CLHC1: variants seen among roughly 807,000 people sequenced by gnomAD.
CLHC1 encodes the protein clathrin heavy chain linker domain-containing protein 1.
A neutral mutation model predicts 69.5 loss-of-function variants in CLHC1; 72 were observed. The ratio of observed to expected loss-of-function variants is 1.04; its 90% CI spans 0.86 to 1.26. CLHC1 has a LOEUF of 1.26. Among genes scored for constraint, CLHC1 ranks in the 50% most tolerant of loss-of-function variants. CLHC1 has a pLI of 0.00. For synonymous variants in CLHC1, 223 were observed against 224.3 expected (o/e 0.99, Z 0.05); for missense variants, 790 against 679.3 (o/e 1.16, Z -1.81).
At position 55,172,563 on chromosome 2, in the gene CLHC1, T is replaced by C. The variant is rs1669043683; in HGVS notation, c.*3227A>G. On this transcript the variant is annotated 3_prime_UTR_variant, in exon 13 of 13. Coordinates refer to ENST00000401408, the MANE Select transcript of CLHC1 (RefSeq NM_152385.4). Reference sequence around the variant, plus strand: ...AATAGTGTCTTTTTTATGTACCCAATATATTTTTATTCAAGAACACAACAA... The same window carrying C: ...AATAGTGTCTTTTTTATGTACCCAACATATTTTTATTCAAGAACACAACAA... 6.6e-6 allele frequency among the ~76,000 whole-genome samples: 1 copy of C among 151,532 alleles called. No homozygotes were observed. Among genetic ancestry groups the C allele is most frequent in the Non-Finnish European group, 1.5e-5 (1 of 67,928 alleles).
chr2:55,230,095 G>A (rs1232397699), intron 1 of CLHC1, among the ~76,000 whole-genome samples: 1 of 152,148 alleles, frequency 6.6e-6, no homozygotes, highest in African/African-American at 2.4e-5. Flanking sequence ...AAAAAGAATT[G>A]TTCTTGTTGC....
intron 9 of CLHC1, among the ~76,000 whole-genome samples, chr2:55,190,222 T>TA (rs57134872): frequency 2.2e-4 from 16 of 72,118 alleles, no homozygotes; most frequent in African/African-American, 9.3e-4. Flanking sequence ...TTTTTTTGTA[T>TA]TTTTTTAGTA....
At chr2:55,193,422 A>G (rs1007914351) in intron 9 of CLHC1, among the ~76,000 whole-genome samples, 3 of 152,164 alleles carry the variant, frequency 2.0e-5, no homozygotes, top group Admixed American at 2.0e-4. Context: ...TTCAGACTAT[A>G]TAAGGAACTC....
At chr2:55,226,171 A>G (rs995424232) in intron 2 of CLHC1, among the ~76,000 whole-genome samples, 6 of 149,150 alleles carry the variant, frequency 4.0e-5, no homozygotes, top group Non-Finnish European at 8.9e-5. Flanking sequence ...CAGCCTGGGC[A>G]ACTGAGCGAG....
Position 55,222,272 on chromosome 2 carries a change from T to C in CLHC1, c.140A>G (p.Asp47Gly). 1 of 1,613,640 alleles carries C rather than the reference T, an allele frequency of 6.2e-7. No individual in the cohort carries two copies. Among genetic ancestry groups the C allele is most frequent in the Non-Finnish European group, 8.5e-7 (1 of 1,179,696 alleles). The part of the protein sequence containing the change: ...RLGCSEEGPA[D>G]EYYIIYRNVF... Reference sequence around the variant, plus strand: ...ATTTCGGTATATGATGTAATATTCATCAGCAGGTCCTTCCTCACTACAGCC... The same window carrying C: ...ATTTCGGTATATGATGTAATATTCACCAGCAGGTCCTTCCTCACTACAGCC... The change falls in exon 3 of 13, where the codon GAT (aspartate) becomes GGT (glycine). Residue 47 changes from aspartate to glycine, a missense_variant. Transcript: ENST00000401408.
At chr2:55,229,400 CAA>C (rs1332443025) in intron 1 of CLHC1, among the ~76,000 whole-genome samples, 1 of 151,766 alleles carries the variant, frequency 6.6e-6, no homozygotes, top group African/African-American at 2.4e-5. Flanking sequence ...GTGGTTGAGG[CAA>C]AGAGAGTAGC....
chr2:55,217,572 T>C (rs1281833721), intron 4 of CLHC1, among the ~76,000 whole-genome samples: 1 of 114,622 alleles, frequency 8.7e-6, no homozygotes, highest in Admixed American at 1.0e-4. Context: ...TATATATATA[T>C]ATATATATAT....
At chr2:55,210,644 G>C (rs1322677517) in intron 5 of CLHC1, among the ~76,000 whole-genome samples, 1 of 152,186 alleles carries the variant, frequency 6.6e-6, no homozygotes, top group Non-Finnish European at 1.5e-5. Context: ...AACGCCACGA[G>C]CTTCTGCCTA....
intron 9 of CLHC1, among the ~76,000 whole-genome samples, chr2:55,190,807 T>C (rs1670854753): frequency 6.6e-6 from 1 of 152,080 alleles, no homozygotes. Context: ...GGCAGAAACA[T>C]ATTTGAAAAA....
At chr2:55,194,368 G>A (rs1671201892) in intron 9 of CLHC1, among the ~76,000 whole-genome samples, 1 of 151,966 alleles carries the variant, frequency 6.6e-6, no homozygotes, top group South Asian at 2.1e-4. Flanking sequence ...TCTGATCAAA[G>A]TTCTCAGCAA....
chr2:55,188,501 G>A (rs970745978), intron 9 of CLHC1, among the ~76,000 whole-genome samples: 2 of 151,990 alleles, frequency 1.3e-5, no homozygotes, highest in Admixed American at 6.6e-5. Flanking sequence ...TTACCATTGG[G>A]AATATAAATT....
chr2:55,223,840 G>A (rs1385176293), intron 2 of CLHC1, among the ~76,000 whole-genome samples: 1 of 151,824 alleles, frequency 6.6e-6, no homozygotes, highest in African/African-American at 2.4e-5. Flanking sequence ...CTGCCGCCCA[G>A]GCTGGAGTGC....
chr2:55,222,510 G>C lies in CLHC1; in HGVS notation c.-82-17C>G, dbSNP rs1197980527. On this transcript the variant is annotated splice_polypyrimidine_tract_variant and intron_variant, in intron 2 of 12. Transcript: ENST00000401408. ...TTGATAAGCCTGAAAGAAAAAAAGA[G>C]CATCAATTAATATAATAATTTTTTA... 2 of 791,628 alleles carry C rather than the reference G, an allele frequency of 2.5e-6. No homozygotes were observed. Among genetic ancestry groups the C allele is most frequent in the Non-Finnish European group, 4.0e-6 (2 of 506,076 alleles). 49.0% of individuals were successfully genotyped at this position (791,628 alleles called of 1,614,324 possible).
At chr2:55,180,010 C>T (rs534617475) in intron 11 of CLHC1, among the ~76,000 whole-genome samples, 7 of 151,980 alleles carry the variant, frequency 4.6e-5, no homozygotes, top group Admixed American at 1.3e-4. Context: ...AAAAGTTAGC[C>T]GGGCGTAGTG....
chr2:55,199,961 C>T (rs1671780728), intron 9 of CLHC1, among the ~76,000 whole-genome samples: 1 of 152,120 alleles, frequency 6.6e-6, no homozygotes, highest in Non-Finnish European at 1.5e-5. Context: ...CAGTGGCTCA[C>T]ACCTGTAATC....
intron 6 of CLHC1, 54 bp downstream of exon 6, chr2:55,209,576 G>C: frequency 4.4e-6 from 7 of 1,587,104 alleles, no homozygotes; most frequent in Non-Finnish European, 6.0e-6. Context: ...TGGAATATTA[G>C]AATAAACACA....
At chr2:55,195,141 T>C (rs546019282) in intron 9 of CLHC1, among the ~76,000 whole-genome samples, 1 of 152,270 alleles carries the variant, frequency 6.6e-6, no homozygotes, top group South Asian at 2.1e-4. Flanking sequence ...TGTGCATTTA[T>C]CCTACATAAC....
chr2:55,202,676 C>A (rs1349709299), intron 9 of CLHC1, among the ~76,000 whole-genome samples: 2 of 151,948 alleles, frequency 1.3e-5, no homozygotes, highest in African/African-American at 2.4e-5. Flanking sequence ...GCGGGCTGAT[C>A]ACTTGAGGTC....
At chr2:55,215,303 G>A (rs190440643) in intron 4 of CLHC1, among the ~76,000 whole-genome samples, 13 of 152,218 alleles carry the variant, frequency 8.5e-5, no homozygotes, top group African/African-American at 2.9e-4. Flanking sequence ...ACTCTCAGCT[G>A]TTATTTCTTC....
Sources: gnomAD v4.1 joint callset for allele counts (sites outside exome capture counted in the v4.1 genomes callset) on GRCh38, gnomAD v4.1.1 for gene constraint, MANE v1.5 for transcripts, NCBI Gene and HGNC (gene_info 2026-07-23, HGNC 2026-07-21) for gene names.